RBFOX1: variants seen among roughly 807,000 people sequenced by gnomAD.
The protein encoded by RBFOX1 is RNA binding protein fox-1 homolog 1.
RBFOX1 carries 8 observed loss-of-function variants against 57.7 expected under a neutral mutation model. The observed-to-expected ratio is 0.14, with a 90% CI of 0.08 to 0.25. The LOEUF (loss-of-function observed/expected upper bound fraction) is 0.25. Ranked by LOEUF, RBFOX1 falls within the 10% of genes least tolerant of loss-of-function variation. The probability of loss-of-function intolerance (pLI) is 1.00; values close to 1 mark genes in which losing one functional copy is unlikely to be tolerated. For synonymous variants in RBFOX1, 326 were observed against 222.4 expected (o/e 1.47, Z -4.15); for missense variants, 611 against 548.5 (o/e 1.11, Z -1.14).
chr16:5,313,469 C>T (rs1458500734), intron 1 of RBFOX1, among the ~76,000 whole-genome samples: 1 of 152,150 alleles, frequency 6.6e-6, no homozygotes, highest in African/African-American at 2.4e-5. Context: ...TACATATGAC[C>T]TCCTTAATCT....
In RBFOX1 at chr16:7,252,073, A is replaced by G. The variant is rs1413334971; in HGVS notation, c.27+199975A>G. On this transcript the variant is annotated intron_variant, in intron 4 of 15. Transcript: ENST00000550418. ...TATTGTGTTCTAGCACACTGCAAAC[A>G]TGGTTACTGAATTTGAAATTCAGAA... Among the ~76,000 whole-genome samples, 6 of 152,314 alleles carry G rather than the reference A, an allele frequency of 3.9e-5. No individual in the cohort carries two copies. The South Asian group carries it at 8.3e-4, about 21-fold the overall frequency.
intron 2 of RBFOX1, among the ~76,000 whole-genome samples, chr16:5,521,952 G>C (rs2044037423): frequency 6.6e-6 from 1 of 152,164 alleles, no homozygotes; most frequent in Non-Finnish European, 1.5e-5. Context: ...TTACAGAGGA[G>C]GCTGAGGAGG....
At chr16:6,939,772 A>G (rs940895621) in intron 3 of RBFOX1, among the ~76,000 whole-genome samples, 2 of 152,116 alleles carry the variant, frequency 1.3e-5, no homozygotes. Flanking sequence ...TTGGCCTACC[A>G]TAGTGCTGGG....
At chr16:5,328,271 GTTT>G (rs1377723448) in intron 1 of RBFOX1, among the ~76,000 whole-genome samples, 1 of 152,132 alleles carries the variant, frequency 6.6e-6, no homozygotes, top group Non-Finnish European at 1.5e-5. Context: ...TCTGATCAGC[GTTT>G]TTATAAGAGG....
chr16:5,821,120 G>T (rs2055837509), intron 3 of RBFOX1, among the ~76,000 whole-genome samples: 1 of 152,052 alleles, frequency 6.6e-6, no homozygotes, highest in Non-Finnish European at 1.5e-5. Context: ...CAAACTCATT[G>T]CTCAGGCAGG....
chr16:7,575,759 T>C (rs1248379492), intron 5 of RBFOX1, among the ~76,000 whole-genome samples: 1 of 152,098 alleles, frequency 6.6e-6, no homozygotes, highest in East Asian at 1.9e-4. Flanking sequence ...TGGTTCTAAA[T>C]ATGTTTTCCC....
intron 1 of RBFOX1, among the ~76,000 whole-genome samples, chr16:6,199,915 C>G (rs181269590): frequency 6.6e-6 from 1 of 152,116 alleles, no homozygotes; most frequent in Non-Finnish European, 1.5e-5. Flanking sequence ...CTGGACTGTG[C>G]GAACACTCAT....
chr16:6,536,154 C>A (rs2096732373), intron 2 of RBFOX1, among the ~76,000 whole-genome samples: 1 of 152,154 alleles, frequency 6.6e-6, no homozygotes, highest in Non-Finnish European at 1.5e-5. Context: ...CACAAGACCA[C>A]AATCATCACA....
At chr16:6,551,961 C>A (rs2096998005) in intron 2 of RBFOX1, among the ~76,000 whole-genome samples, 1 of 152,152 alleles carries the variant, frequency 6.6e-6, no homozygotes, top group South Asian at 2.1e-4. Flanking sequence ...GAAGGATTTG[C>A]CTCTCATCTT....
intron 4 of RBFOX1, among the ~76,000 whole-genome samples, chr16:7,128,829 T>TTC (rs2069363234): frequency 6.7e-6 from 1 of 149,894 alleles, no homozygotes; most frequent in Admixed American, 6.6e-5. Flanking sequence ...TTTTTTTTTT[T>TTC]TTTTTTTTTT....
At chr16:5,939,754 G>A (rs975167428) in intron 4 of RBFOX1, among the ~76,000 whole-genome samples, 1 of 152,132 alleles carries the variant, frequency 6.6e-6, no homozygotes, top group African/African-American at 2.4e-5. Flanking sequence ...CACCATACCA[G>A]CTGATAGAGC....
chr16:6,973,158 A>G lies in RBFOX1; in HGVS notation c.-15-78899A>G, dbSNP rs544641050. Among the ~76,000 whole-genome samples, 6 of 148,408 alleles carry G rather than the reference A, an allele frequency of 4.0e-5. No individual in the cohort carries two copies. The East Asian group carries it at 1.0e-3, about 25-fold the overall frequency. The stretch of plus-strand genomic sequence containing the variant: ...AAATAAATTAAAAATTTAAAAATAG[A>G]GACAAGGCCATCAGCTTTGAGAGAG... On this transcript the variant is annotated intron_variant, in intron 3 of 15. Coordinates refer to ENST00000550418, the MANE Select transcript of RBFOX1 (RefSeq NM_018723.4).
chr16:7,508,691 GA>G (rs1567577967), intron 4 of RBFOX1, among the ~76,000 whole-genome samples: 1 of 152,110 alleles, frequency 6.6e-6, no homozygotes, highest in Non-Finnish European at 1.5e-5. Flanking sequence ...GAATTAAAAA[GA>G]AAAACCTCGC....
intron 1 of RBFOX1, among the ~76,000 whole-genome samples, chr16:6,311,166 G>C (rs570273478): frequency 6.6e-6 from 1 of 151,618 alleles, no homozygotes; most frequent in Non-Finnish European, 1.5e-5. Context: ...CGTTGTGGTG[G>C]GCACCTGTAA....
At chr16:7,036,455 A>C (rs901235461) in intron 3 of RBFOX1, among the ~76,000 whole-genome samples, 1 of 152,050 alleles carries the variant, frequency 6.6e-6, no homozygotes. Flanking sequence ...TCACGCTTGT[A>C]ATCTCAATAC....
chr16:5,663,120 G>A (rs533421126), intron 3 of RBFOX1, among the ~76,000 whole-genome samples: 2 of 152,152 alleles, frequency 1.3e-5, no homozygotes, highest in Non-Finnish European at 2.9e-5. Context: ...GCTAAACACC[G>A]TACAACGCAT....
At chr16:6,245,512 C>T (rs2097564304) in intron 1 of RBFOX1, among the ~76,000 whole-genome samples, 1 of 152,170 alleles carries the variant, frequency 6.6e-6, no homozygotes, top group Non-Finnish European at 1.5e-5. Flanking sequence ...TGCCCTTTGC[C>T]TCTAGGGATA....
chr16:7,577,130 G>C (rs1371273286), intron 5 of RBFOX1, among the ~76,000 whole-genome samples: 2 of 152,176 alleles, frequency 1.3e-5, no homozygotes, highest in African/African-American at 2.4e-5. Flanking sequence ...TCATGCATTT[G>C]TTTATTCGTG....
intron 4 of RBFOX1, among the ~76,000 whole-genome samples, chr16:7,288,674 C>T (rs754875542): frequency 6.6e-6 from 1 of 152,176 alleles, no homozygotes; most frequent in East Asian, 1.9e-4. Flanking sequence ...AATGCCATCT[C>T]TACTAAAAAT....
Sources: gnomAD v4.1 joint callset for allele counts (sites outside exome capture counted in the v4.1 genomes callset) on GRCh38, gnomAD v4.1.1 for gene constraint, MANE v1.5 for transcripts, NCBI Gene and HGNC (gene_info 2026-07-23, HGNC 2026-07-21) for gene names.